SOX8: variants seen among roughly 807,000 people sequenced by gnomAD.
SOX8 encodes the protein SRY-box transcription factor 8, also known as transcription factor SOX-8.
SOX8 carries 9 observed loss-of-function variants against 22.9 expected under a neutral mutation model. The observed-to-expected ratio is 0.39, with a 90% CI of 0.24 to 0.69. The LOEUF is 0.69. Ranked by LOEUF, SOX8 falls within the 30% of genes least tolerant of loss-of-function variation. SOX8 has a pLI of 0.43. For missense variants in SOX8, 734 were observed against 699.4 expected, an observed-to-expected ratio of 1.05 and a Z score of -0.56; for synonymous variants, 416 against 330.6, an observed-to-expected ratio of 1.26 and a Z score of -2.80.
In SOX8 at chr16:983,896, C is replaced by T. The variant is rs760335655; in HGVS notation, c.591C>T (p.Gly197=). Residue 197 remains glycine, a synonymous_variant, in exon 2 of 3, where the codon GGC becomes GGT. Transcript: ENST00000293894. ...DSGAELGPHP[G]GGAVYKAEAG... ...GCGCGGAGCTGGGACCCCACCCTGG[C>T]GGCGGTGCCGTGTACAAGGCTGAAG... 8 of 1,603,998 alleles carry T rather than the reference C, an allele frequency of 5.0e-6. No individual in the cohort carries two copies. Among genetic ancestry groups the T allele is most frequent in the African/African-American group, 1.3e-5 (1 of 74,698 alleles).
chr16:984,743 CG>C lies in SOX8; in HGVS notation c.700del (p.Glu234SerfsTer11). The C allele has an allele frequency of 6.4e-7, 1 of 1,558,042 alleles. No individual in the cohort carries two copies. The highest frequency in any genetic ancestry group is 8.7e-7 in the Non-Finnish European group (1 of 1,148,604). On this transcript the variant is annotated frameshift_variant, in exon 3 of 3. Transcript: ENST00000293894. LOFTEE classifies it low-confidence loss of function (END_TRUNC). ...CCCACCCCGCCCACCACCCCCAAGA[CG>C]GAGCTGCAGCAGGCGGGCGCCAAGC... The part of the protein sequence containing the change: ...GPPTPPTTPK[T>X]ELQQAGAKPE...
rs779030231 is a variant in SOX8 at position 985,232 on chromosome 16, C to T, written c.1187C>T (p.Pro396Leu). 1 of 1,612,114 alleles carries T rather than the reference C, an allele frequency of 6.2e-7. No individual in the cohort carries two copies. Among genetic ancestry groups the T allele is most frequent in the Non-Finnish European group, 8.5e-7 (1 of 1,179,620 alleles). The change falls in exon 3 of 3, where the codon CCT becomes CTT. Residue 396 changes from proline (P) to leucine (L), a missense_variant. Pro to Leu is a moderately conservative substitution (Grantham distance 98, BLOSUM62 -3). Transcript: ENST00000293894. ...LQASSYYGAY[P>L]GYAPGLYQYP... Reference sequence around the variant, plus strand: ...GCCTCCAGCTACTATGGTGCCTACCCTGGCTACGCACCCGGCCTCTACCAG... The same window carrying T: ...GCCTCCAGCTACTATGGTGCCTACCTTGGCTACGCACCCGGCCTCTACCAG...
Position 983,931 on chromosome 16 carries a change from G to A in SOX8, c.626G>A (p.Gly209Glu), listed in dbSNP as rs781190953. 6.4e-7 allele frequency: 1 copy of A among 1,564,498 alleles called. No homozygotes were observed. Among genetic ancestry groups the A allele is most frequent in the South Asian group, 1.2e-5 (1 of 86,570 alleles). The change falls in exon 2 of 3, where the codon GGA (glycine) becomes GAA (glutamate). Residue 209 changes from glycine (G) to glutamate (E), a missense_variant. Coordinates refer to ENST00000293894, the MANE Select transcript of SOX8 (RefSeq NM_014587.5). ...GTGTACAAGGCTGAAGCAGGGCTTGGAGATGGGCACCACCATGGCGACCAC... is the reference window on the plus strand; with the variant it reads ...GTGTACAAGGCTGAAGCAGGGCTTGAAGATGGGCACCACCATGGCGACCAC... ...GAVYKAEAGL[G>E]DGHHHGDHTG...
chr16:985,366 A>C lies in SOX8; in HGVS notation c.1321A>C (p.Thr441Pro). Residue 441 changes from threonine to proline, a missense_variant, in exon 3 of 3, where the codon ACC becomes CCC. Thr to Pro is a conservative substitution (Grantham distance 38). Transcript: ENST00000293894. ...CAGTCACTGGGACCAGCCGGTGTAC[A>C]CCACCCTGACCAGGCCCTGAGGGCC... is the stretch of plus-strand genomic sequence containing the variant. ...PTSHWDQPVY[T>P]TLTRP is the part of the protein sequence containing the mutation. 1 of 1,567,664 alleles carries C rather than the reference A, an allele frequency of 6.4e-7. No individual in the cohort carries two copies. Among genetic ancestry groups the C allele is most frequent in the Non-Finnish European group, 8.6e-7 (1 of 1,162,432 alleles).
rs908921869 is a variant in SOX8, at chr16:983,589, C to T, written c.423-139C>T. The T allele has an allele frequency of 2.0e-5, 14 of 704,204 alleles. No homozygotes were observed. The African/African-American group carries it at 2.3e-4, about 12-fold the overall frequency. The allele number at this position is 704,204 out of a possible 1,614,324, so 43.6% of individuals were successfully genotyped here. A position where few individuals can be genotyped will look rare whatever the true frequency, so the allele number is the denominator to read the frequency against. ...GTACTGCCTGGTGCCACGGGAGGCTCCGGAGCGCACGGCAGGCGGGTTTCC... is the reference window on the plus strand; with the variant it reads ...GTACTGCCTGGTGCCACGGGAGGCTTCGGAGCGCACGGCAGGCGGGTTTCC... On this transcript the variant is annotated intron_variant, in intron 1 of 2. Coordinates refer to ENST00000293894, the MANE Select transcript of SOX8 (RefSeq NM_014587.5).
In SOX8 at chr16:985,062, G is replaced by A. The variant is rs1170544938; in HGVS notation, c.1017G>A (p.Lys339=). The A allele has an allele frequency of 2.5e-6, 4 of 1,583,316 alleles. No individual in the cohort carries two copies. Among genetic ancestry groups the A allele is most frequent in the Non-Finnish European group, 3.4e-6 (4 of 1,172,176 alleles). ...TETGPPRPHI[K]TEQPSPGHYG... ...CGGGTCCCCCACGGCCGCACATCAA[G>A]ACGGAGCAGCCGAGCCCCGGCCACT... Residue 339 remains lysine, a synonymous_variant, in exon 3 of 3, where the codon AAG becomes AAA. Coordinates refer to ENST00000293894, the MANE Select transcript of SOX8 (RefSeq NM_014587.5).
Position 981,961 on chromosome 16 carries a change from C to G in SOX8, c.39C>G (p.Cys13Trp). ...DMSEARSQPP[C>W]SPSGTASSMS... ...GCGAGGCCCGCTCCCAGCCGCCCTG[C>G]AGCCCGTCCGGCACCGCCAGCTCCA... Residue 13 changes from cysteine to tryptophan, a missense_variant, in exon 1 of 3, where the codon TGC becomes TGG. Physicochemically the swap from Cys to Trp is radical, Grantham distance 215. This residue lies in a region of SOX8 where 139 missense variants were observed against 109.1 expected (regional missense o/e 1.27). Transcript: ENST00000293894. 1 of 1,436,942 alleles carries G rather than the reference C, an allele frequency of 7.0e-7. No individual in the cohort carries two copies. 89.0% of individuals were successfully genotyped at this position (1,436,942 alleles called of 1,614,324 possible). A position where few individuals can be genotyped will look rare whatever the true frequency, so the allele number is the denominator to read the frequency against.
At position 984,693 on chromosome 16, in the gene SOX8, G is replaced by A. The variant is rs1263291224; in HGVS notation, c.656-8G>A. ...ATTCATCCCTGAAGCCTGCTCTCCTGTCCCCAGGGCAGACCCACGGGCCGC... is the reference window on the plus strand; with the variant it reads ...ATTCATCCCTGAAGCCTGCTCTCCTATCCCCAGGGCAGACCCACGGGCCGC... On this transcript the variant is annotated splice_region_variant and splice_polypyrimidine_tract_variant and intron_variant, in intron 2 of 2. Coordinates refer to ENST00000293894, the MANE Select transcript of SOX8 (RefSeq NM_014587.5). 3.4e-6 allele frequency: 5 copies of A among 1,490,572 alleles called. No individual in the cohort carries two copies. The East Asian group carries it at 1.0e-4, about 31-fold the overall frequency. 92.3% of individuals were successfully genotyped at this position (1,490,572 alleles called of 1,614,324 possible). A position where few individuals can be genotyped will look rare whatever the true frequency, so the allele number is the denominator to read the frequency against.
Position 981,877 on chromosome 16 carries a change from GC to G in SOX8, c.-42del. On this transcript the variant is annotated 5_prime_UTR_variant, in exon 1 of 3. Coordinates refer to ENST00000293894, the MANE Select transcript of SOX8 (RefSeq NM_014587.5). ...GACCGCAGGGCAGCCCCGGGCGCCG[GC>G]CCCGGTGCGCGTCTCCTGTGCGCGC... The G allele has an allele frequency of 8.8e-6, 10 of 1,135,078 alleles. No homozygotes were observed. The highest frequency in any genetic ancestry group is 1.1e-5 in the Non-Finnish European group (10 of 924,646). 70.3% of individuals were successfully genotyped at this position (1,135,078 alleles called of 1,614,324 possible). A position where few individuals can be genotyped will look rare whatever the true frequency, so the allele number is the denominator to read the frequency against.
chr16:984,144 C>G (rs535751267), intron 2 of SOX8, among the ~76,000 whole-genome samples, 184 bp downstream of exon 2: 8 of 152,346 alleles, frequency 5.3e-5, no homozygotes, highest in African/African-American at 1.4e-4. Flanking sequence ...GCACGAGGGA[C>G]CTGCTTAGCC....
chr16:983,783 G>A lies in SOX8; in HGVS notation c.478G>A (p.Val160Met). The change falls in exon 2 of 3, where the codon GTG (valine) becomes ATG (methionine). Residue 160 changes from valine to methionine, a missense_variant. This residue lies in a region of SOX8 where 588 missense variants were observed against 568.2 expected (regional missense o/e 1.03). Transcript: ENST00000293894. Reference sequence around the variant, plus strand: ...CGTGGAGGAGGCAGAGCGCCTTCGCGTGCAGCACAAGAAGGACCACCCCGA... The same window carrying A: ...CGTGGAGGAGGCAGAGCGCCTTCGCATGCAGCACAAGAAGGACCACCCCGA... Reference protein sequence around the residue: ...PFVEEAERLRVQHKKDHPDYK... With the variant: ...PFVEEAERLRMQHKKDHPDYK... 3.1e-6 allele frequency: 5 copies of A among 1,612,844 alleles called. No homozygotes were observed. In the South Asian group the frequency reaches 5.5e-5, roughly 18 times the overall value.
rs2073450259 is a variant in SOX8 at position 985,317 on chromosome 16, C to T, written c.1272C>T (p.Ala424=). The T allele has an allele frequency of 6.2e-7, 1 of 1,602,690 alleles. No individual in the cohort carries two copies. Among genetic ancestry groups the T allele is most frequent in the South Asian group, 1.1e-5 (1 of 90,352 alleles). Residue 424 remains alanine (A), a synonymous_variant, in exon 3 of 3, where the codon GCC becomes GCT. Transcript: ENST00000293894. ...CCTCACCCCTGCTCAACGGCCTGGC[C>T]CTGCCGCCCGCCCACAGCCCCACCA... ...PYASPLLNGL[A]LPPAHSPTSH... is the part of the protein sequence containing the mutation.
chr16:984,023 G>C (rs2073432532), intron 2 of SOX8, 63 bp downstream of exon 2: 1 of 1,352,522 alleles, frequency 7.4e-7, no homozygotes. Flanking sequence ...TGGGGTTTCT[G>C]GCTGAGAAGG....
rs957291992 is a variant in SOX8 at position 986,936 on chromosome 16, G to A, written c.*1550G>A. The A allele has an allele frequency of 6.6e-6, 1 of 152,258 alleles. No homozygotes were observed. Among genetic ancestry groups the A allele is most frequent in the African/African-American group, 2.4e-5 (1 of 41,460 alleles). The allele number at this position is 152,258 out of a possible 1,614,324, so 9.4% of individuals were successfully genotyped here. ...TTCTGACCAAGCAACGCTAACTTTT[G>A]TACAGATCGATTTGATAAAATTAAA... On this transcript the variant is annotated 3_prime_UTR_variant, in exon 3 of 3. Coordinates refer to ENST00000293894, the MANE Select transcript of SOX8 (RefSeq NM_014587.5).
In SOX8 at chr16:981,978, C is replaced by A; in HGVS notation, c.56C>A (p.Ala19Asp). 1 of 1,449,390 alleles carries A rather than the reference C, an allele frequency of 6.9e-7. No homozygotes were observed. 89.8% of individuals were successfully genotyped at this position (1,449,390 alleles called of 1,614,324 possible). Residue 19 changes from alanine (A) to aspartate (D), a missense_variant, in exon 1 of 3, where the codon GCC becomes GAC. Ala to Asp is a moderately radical substitution (Grantham distance 126, BLOSUM62 -2). Around this residue, in one of 3 missense-constraint regions of SOX8, gnomAD observed 139 missense variants for 109.1 expected, o/e 1.27. Coordinates refer to ENST00000293894, the MANE Select transcript of SOX8 (RefSeq NM_014587.5). ...SQPPCSPSGTASSMSHVEDSD... is the reference protein window; with the variant it reads ...SQPPCSPSGTDSSMSHVEDSD... ...CCGCCCTGCAGCCCGTCCGGCACCG[C>A]CAGCTCCATGTCGCACGTGGAGGAC...
Position 986,730 on chromosome 16 carries a change from C to G in SOX8, c.*1344C>G, listed in dbSNP as rs564402496. The G allele has an allele frequency of 7.6e-5, 10 of 131,642 alleles. No homozygotes were observed. The highest frequency in any genetic ancestry group is 2.6e-4 in the African/African-American group (9 of 34,812). 8.2% of individuals were successfully genotyped at this position (131,642 alleles called of 1,614,324 possible). ...AAACTTAAACACAGCCGAGAAGTTG[C>G]TTCTTTGTACTTTTTCTACTTTTCC... On this transcript the variant is annotated 3_prime_UTR_variant, in exon 3 of 3. Transcript: ENST00000293894.
In SOX8 at chr16:984,766, A is replaced by C; in HGVS notation, c.721A>C (p.Lys241Gln). The C allele has an allele frequency of 7.5e-7, 1 of 1,331,688 alleles. No homozygotes were observed. Among genetic ancestry groups the C allele is most frequent in the Non-Finnish European group, 1.0e-6 (1 of 994,738 alleles). The allele number at this position is 1,331,688 out of a possible 1,614,324, so 82.5% of individuals were successfully genotyped here. A position where few individuals can be genotyped will look rare whatever the true frequency, so the allele number is the denominator to read the frequency against. Reference protein sequence around the residue: ...PKTELQQAGAKPELKLEGRRP... With the variant: ...PKTELQQAGAQPELKLEGRRP... The stretch of plus-strand genomic sequence containing the variant: ...GACGGAGCTGCAGCAGGCGGGCGCC[A>C]AGCCGGAGCTGAAGCTGGAGGGACG... The change falls in exon 3 of 3, where the codon AAG (lysine) becomes CAG (glutamine). Residue 241 changes from lysine to glutamine, a missense_variant. Transcript: ENST00000293894.
At position 983,870 on chromosome 16, in the gene SOX8, G is replaced by C; in HGVS notation, c.565G>C (p.Gly189Arg). The change falls in exon 2 of 3, where the codon GGC becomes CGC. Residue 189 changes from glycine to arginine, a missense_variant. Coordinates refer to ENST00000293894, the MANE Select transcript of SOX8 (RefSeq NM_014587.5). The part of the protein sequence containing the change: ...AKAGHSDSDS[G>R]AELGPHPGGG... Reference sequence around the variant, plus strand: ...AGCCGGCCACAGCGACTCCGACTCGGGCGCGGAGCTGGGACCCCACCCTGG... The same window carrying C: ...AGCCGGCCACAGCGACTCCGACTCGCGCGCGGAGCTGGGACCCCACCCTGG... The C allele has an allele frequency of 6.2e-7, 1 of 1,611,818 alleles. No homozygotes were observed. The highest frequency in any genetic ancestry group is 8.5e-7 in the Non-Finnish European group (1 of 1,179,340).
At position 986,858 on chromosome 16, in the gene SOX8, C is replaced by G. The variant is rs975800750; in HGVS notation, c.*1472C>G. 6.6e-6 allele frequency: 1 copy of G among 152,328 alleles called. No individual in the cohort carries two copies. Among genetic ancestry groups the G allele is most frequent in the African/African-American group, 2.4e-5 (1 of 41,454 alleles). The allele number at this position is 152,328 out of a possible 1,614,324, so 9.4% of individuals were successfully genotyped here. On this transcript the variant is annotated 3_prime_UTR_variant, in exon 3 of 3. Coordinates refer to ENST00000293894, the MANE Select transcript of SOX8 (RefSeq NM_014587.5). The stretch of plus-strand genomic sequence containing the variant: ...CAGACCCGTTTCATGCAGCGTCTCC[C>G]TTGGCACCGCGTTCGGAGGACGCAC...
Sources: gnomAD v4.1 joint callset for allele counts (sites outside exome capture counted in the v4.1 genomes callset) on GRCh38, gnomAD v4.1.1 for gene constraint, gnomAD v4.1.1 regional missense constraint, MANE v1.5 for transcripts, NCBI Gene and HGNC (gene_info 2026-07-23, HGNC 2026-07-21) for gene names.